The following COLEC11 variants were observed in gnomAD, a reference collection of about 807,000 sequenced individuals.
COLEC11 encodes the protein collectin subfamily member 11.
Under a neutral mutation model 27.3 loss-of-function variants are expected in COLEC11, and 20 were observed. That is an observed-to-expected ratio of 0.73 (90% CI 0.51 to 1.06). COLEC11 has a LOEUF of 1.06. Ranked by LOEUF, COLEC11 falls within the 50% of genes least tolerant of loss-of-function variation. The pLI is 0.00. For synonymous variants in COLEC11, 163 were observed against 154.7 expected (o/e 1.05, Z -0.40); for missense variants, 310 against 383.0 (o/e 0.81, Z 1.59).
chr2:3,612,164 A>G (rs974978282), intron 2 of COLEC11, among the ~76,000 whole-genome samples: 11 of 152,078 alleles, frequency 7.2e-5, no homozygotes, highest in African/African-American at 1.9e-4. Flanking sequence ...AACTTGTAGC[A>G]TATCAGCGCA....
chr2:3,613,983 T>TG (rs1172300263), intron 3 of COLEC11, among the ~76,000 whole-genome samples: 1 of 149,758 alleles, frequency 6.7e-6, no homozygotes, highest in Non-Finnish European at 1.5e-5. Flanking sequence ...TTTCTTTCTT[T>TG]TTTTTTTTTT....
intron 3 of COLEC11, among the ~76,000 whole-genome samples, chr2:3,615,869 TC>T (rs1663662657): frequency 7.8e-6 from 1 of 128,110 alleles, no homozygotes; most frequent in Non-Finnish European, 1.6e-5. Context: ...CCCACCTCCC[TC>T]CCGGACGCGG....
chr2:3,598,505 C>T (rs779994577), intron 1 of COLEC11, among the ~76,000 whole-genome samples: 1 of 152,228 alleles, frequency 6.6e-6, no homozygotes, highest in African/African-American at 2.4e-5. Context: ...GAGACCTTTA[C>T]GAAGCTGTAG....
rs1331870047 is a variant in COLEC11, at chr2:3,615,453, G to C, written c.202+2071G>C. ...ACATGTTTCAGAGAGCAGGGGGTTG[G>C]GGGTAAGGTCAAAGATTAACAGCAT... On this transcript the variant is annotated intron_variant, in intron 3 of 6. Transcript: ENST00000349077. 3.3e-5 allele frequency among the ~76,000 whole-genome samples: 5 copies of C among 152,198 alleles called. No homozygotes were observed. In the East Asian group the frequency reaches 9.6e-4, roughly 29 times the overall value.
chr2:3,626,543 A>G (rs531943731), intron 3 of COLEC11, among the ~76,000 whole-genome samples: 8 of 152,276 alleles, frequency 5.3e-5, no homozygotes, highest in African/African-American at 1.7e-4. Context: ...GGTTGCTGTT[A>G]TTATTCTCCG....
Position 3,637,458 on chromosome 2 carries a change from C to G in COLEC11, c.203-75C>G, listed in dbSNP as rs927645400. Reference sequence around the variant, plus strand: ...TAGGAAGGAGGGCGGTCGGGTTATCCGTGCACGTGTGTGATGGAGGAGGCC... The same window carrying G: ...TAGGAAGGAGGGCGGTCGGGTTATCGGTGCACGTGTGTGATGGAGGAGGCC... On this transcript the variant is annotated intron_variant, in intron 3 of 6. Coordinates refer to ENST00000349077, the MANE Select transcript of COLEC11 (RefSeq NM_024027.5). The G allele has an allele frequency of 4.5e-5, 51 of 1,143,538 alleles. No homozygotes were observed. In the African/African-American group the frequency reaches 6.5e-4, roughly 15 times the overall value. The allele number at this position is 1,143,538 out of a possible 1,614,324, so 70.8% of individuals were successfully genotyped here. A position where few individuals can be genotyped will look rare whatever the true frequency, so the allele number is the denominator to read the frequency against.
intron 1 of COLEC11, among the ~76,000 whole-genome samples, chr2:3,597,063 C>T (rs897904902): frequency 3.9e-5 from 6 of 152,132 alleles, no homozygotes; most frequent in Admixed American, 2.6e-4. Context: ...ATGAGTGGAG[C>T]GAGTGAAGGC....
intron 3 of COLEC11, among the ~76,000 whole-genome samples, chr2:3,630,762 A>G (rs1354938617): frequency 2.0e-5 from 3 of 152,170 alleles, no homozygotes; most frequent in Non-Finnish European, 1.5e-5. Context: ...GGTACATGTT[A>G]TTCTTCTTTG....
chr2:3,616,040 G>T (rs1263673051), intron 3 of COLEC11, among the ~76,000 whole-genome samples: 1 of 150,778 alleles, frequency 6.6e-6, no homozygotes, highest in Non-Finnish European at 1.5e-5. Context: ...TCACCTCTGA[G>T]GCGGGGCGGC....
intron 1 of COLEC11, chr2:3,603,313 A>T: frequency 5.5e-6 from 1 of 183,278 alleles, no homozygotes; most frequent in Non-Finnish European, 1.1e-5. Context: ...AGTTTTATTT[A>T]TTTATTATAT....
chr2:3,620,926 G>C (rs1238603981), intron 3 of COLEC11, among the ~76,000 whole-genome samples: 1 of 152,182 alleles, frequency 6.6e-6, no homozygotes, highest in African/African-American at 2.4e-5. Flanking sequence ...CCTTGAATTT[G>C]TTAAGACTTG....
intron 3 of COLEC11, chr2:3,626,167 C>T (rs1664538592): frequency 8.5e-7 from 1 of 1,176,786 alleles, no homozygotes; most frequent in Non-Finnish European, 1.3e-6. Flanking sequence ...CCACTCTTCC[C>T]ATGGCCACAT....
At chr2:3,605,943 AG>A in intron 2 of COLEC11, 1 of 962,842 alleles carries the variant, frequency 1.0e-6, no homozygotes, top group East Asian at 2.9e-5. Flanking sequence ...CCTGCAGCCC[AG>A]ACAAGCCCAG....
intron 3 of COLEC11, among the ~76,000 whole-genome samples, chr2:3,635,848 T>C (rs1311016804): frequency 6.6e-6 from 1 of 152,254 alleles, no homozygotes; most frequent in Non-Finnish European, 1.5e-5. Context: ...GTGGCTGTTG[T>C]CCTGGCTCTG....
chr2:3,613,943 A>T (rs1663443622), intron 3 of COLEC11, among the ~76,000 whole-genome samples: 1 of 150,764 alleles, frequency 6.6e-6, no homozygotes, highest in Non-Finnish European at 1.5e-5. Flanking sequence ...ACTGCTTAAA[A>T]TTTTTTTAAG....
chr2:3,640,105 T>G (rs149390933), intron 4 of COLEC11, among the ~76,000 whole-genome samples, 173 bp from the exon 5 acceptor site: 190 of 152,356 alleles, frequency 1.2e-3, no homozygotes, highest in Non-Finnish European at 2.1e-3. Flanking sequence ...TCGTATCACA[T>G]AAATAGTGCC....
chr2:3,620,517 T>A (rs1664111021), intron 3 of COLEC11, among the ~76,000 whole-genome samples: 1 of 152,188 alleles, frequency 6.6e-6, no homozygotes, highest in Admixed American at 6.5e-5. Flanking sequence ...GTCGCTTTGC[T>A]ACAGCTTTTC....
At chr2:3,612,760 C>G (rs530539538) in intron 2 of COLEC11, among the ~76,000 whole-genome samples, 2 of 152,224 alleles carry the variant, frequency 1.3e-5, no homozygotes, top group Admixed American at 6.5e-5. Flanking sequence ...ACCTGCTGAG[C>G]CTTGGAAGTG....
chr2:3,612,336 C>T (rs1303534777), intron 2 of COLEC11, among the ~76,000 whole-genome samples: 3 of 152,116 alleles, frequency 2.0e-5, no homozygotes, highest in African/African-American at 4.8e-5. Context: ...GTAAGAAATA[C>T]GGCCTTATAA....
Sources: gnomAD v4.1 joint callset for allele counts (sites outside exome capture counted in the v4.1 genomes callset) on GRCh38, gnomAD v4.1.1 for gene constraint, MANE v1.5 for transcripts, NCBI Gene and HGNC (gene_info 2026-07-23, HGNC 2026-07-21) for gene names.